Variants in GPHN observed in about 807,000 individuals in gnomAD.
The protein encoded by GPHN is gephyrin.
In GPHN, 17 loss-of-function variants were observed where a neutral mutation model predicts 95.5. The ratio of observed to expected loss-of-function variants is 0.18; its 90% CI spans 0.12 to 0.27. The LOEUF (loss-of-function observed/expected upper bound fraction) is 0.27. GPHN is among the 10% of genes least tolerant of loss of function. The probability of loss-of-function intolerance (pLI) is 1.00; values close to 1 mark genes in which losing one functional copy is unlikely to be tolerated. For synonymous variants in GPHN, 320 were observed against 322.5 expected (o/e 0.99, Z 0.08); for missense variants, 660 against 978.1 (o/e 0.67, Z 4.34).
chr14:67,479,450 G>C, the GPHN span, among the ~76,000 whole-genome samples: 1 of 150,876 alleles, frequency 6.6e-6, no homozygotes, highest in Non-Finnish European at 1.5e-5. Context: ...GGGTGCAGTA[G>C]CTCATGCCTG....
the GPHN span, among the ~76,000 whole-genome samples, chr14:67,536,937 G>T: frequency 1.3e-5 from 2 of 151,624 alleles, no homozygotes; most frequent in African/African-American, 2.4e-5. Flanking sequence ...CTACTCAGGA[G>T]GCTGAGGCAG....
chr14:66,600,714 T>C (rs929428553), intron 1 of GPHN, among the ~76,000 whole-genome samples: 44 of 152,058 alleles, frequency 2.9e-4, no homozygotes, highest in African/African-American at 1.1e-3. Context: ...TTGGGCATTC[T>C]AAATAGCCAA....
the GPHN span, among the ~76,000 whole-genome samples, chr14:67,284,580 A>C: frequency 6.9e-6 from 1 of 144,572 alleles, no homozygotes; most frequent in African/African-American, 2.6e-5. Context: ...AAAAAAAAAA[A>C]AAAAAAAAGG....
At chr14:67,293,950 A>G in the GPHN span, among the ~76,000 whole-genome samples, 1 of 152,192 alleles carries the variant, frequency 6.6e-6, no homozygotes, top group East Asian at 1.9e-4. Context: ...GACACACACA[A>G]TAGAAAGGTG....
the GPHN span, among the ~76,000 whole-genome samples, chr14:67,681,987 G>A: frequency 6.6e-6 from 1 of 152,120 alleles, no homozygotes; most frequent in Non-Finnish European, 1.5e-5. Flanking sequence ...TCATGGGAGT[G>A]GGTTTGTTCT....
intron 1 of GPHN, among the ~76,000 whole-genome samples, chr14:66,595,364 G>A (rs1365444036): frequency 6.6e-6 from 1 of 152,164 alleles, no homozygotes; most frequent in Non-Finnish European, 1.5e-5. Context: ...CGGCATCCTT[G>A]GAGTGTTACT....
At chr14:67,182,655 G>A (rs756878930), downstream of GPHN, among the ~76,000 whole-genome samples, 15 of 151,980 alleles carry the variant, frequency 9.9e-5, no homozygotes, top group African/African-American at 3.4e-4. Context: ...AACATGAATA[G>A]GGCAGAGCAC....
intron 2 of GPHN, among the ~76,000 whole-genome samples, chr14:66,750,009 CTT>C (rs1330718860): frequency 4.0e-5 from 6 of 151,890 alleles, no homozygotes; most frequent in Non-Finnish European, 5.9e-5. Context: ...CATTTATACT[CTT>C]TTAGTTATTT....
intron 2 of GPHN, among the ~76,000 whole-genome samples, chr14:66,723,284 AAC>A (rs1414611582): frequency 7.6e-6 from 1 of 130,720 alleles, no homozygotes; most frequent in African/African-American, 4.0e-5. Context: ...AAAAGTTTAT[AAC>A]TTTATAAATA....
intron 5 of GPHN, among the ~76,000 whole-genome samples, chr14:66,907,913 G>C (rs1352080539): frequency 4.6e-5 from 7 of 151,952 alleles, no homozygotes; most frequent in African/African-American, 1.7e-4. Context: ...GAAGAGGCTA[G>C]AATGATCCAT....
At chr14:67,433,680 C>A in the GPHN span, among the ~76,000 whole-genome samples, 1 of 152,088 alleles carries the variant, frequency 6.6e-6, no homozygotes, top group Non-Finnish European at 1.5e-5. Flanking sequence ...CTTAAAAAAG[C>A]AGTCATCACT....
chr14:67,204,841 G>A, the GPHN span: 1 of 1,613,972 alleles, frequency 6.2e-7, no homozygotes, highest in Non-Finnish European at 8.5e-7. Context: ...CATGTATGCA[G>A]GTACAGGCCC....
intron 10 of GPHN, among the ~76,000 whole-genome samples, chr14:67,035,176 A>T (rs2074361975): frequency 6.6e-6 from 1 of 151,802 alleles, no homozygotes; most frequent in Admixed American, 6.6e-5. Context: ...GGAAAAAAAA[A>T]TGAGAGAAAT....
chr14:66,868,897 A>T (rs1433807597), intron 4 of GPHN, among the ~76,000 whole-genome samples: 2 of 152,204 alleles, frequency 1.3e-5, no homozygotes, highest in African/African-American at 4.8e-5. Flanking sequence ...ATCAAGAAAA[A>T]AAAAGGAAAA....
intron 17 of GPHN, among the ~76,000 whole-genome samples, chr14:67,135,653 T>C (rs930261291): frequency 3.3e-5 from 5 of 152,214 alleles, no homozygotes; most frequent in Non-Finnish European, 5.9e-5. Flanking sequence ...AATTCCAAAA[T>C]TGTACCAGGA....
intron 8 of GPHN, among the ~76,000 whole-genome samples, chr14:66,949,993 G>GAAAAAAAAAA (rs71129809): frequency 3.5e-5 from 2 of 57,814 alleles, no homozygotes; most frequent in Non-Finnish European, 7.9e-5. Flanking sequence ...TTTAGGACAG[G>GAAAAAAAAAA]AAAAAAAAAA....
chr14:66,733,306 CT>C lies in GPHN; in HGVS notation c.144-43145del, dbSNP rs879368479. Among the ~76,000 whole-genome samples, 629 of 142,980 alleles carry C rather than the reference CT, an allele frequency of 4.4e-3. 3 individuals carry two copies. The highest frequency in any genetic ancestry group is 0.012 in the African/African-American group (467 of 39,226). 93.8% of individuals were successfully genotyped at this position (142,980 alleles called of 152,430 possible). ...GCGGAAATGTGAGTTAATTAAACCT[CT>C]TTTTTTTTTTTTGTAAATTACCCTG... On this transcript the variant is annotated intron_variant, in intron 2 of 22. Transcript: ENST00000478722.
intron 11 of GPHN, among the ~76,000 whole-genome samples, chr14:67,059,992 A>C (rs2075759143): frequency 6.6e-6 from 1 of 152,166 alleles, no homozygotes; most frequent in South Asian, 2.1e-4. Context: ...TGAGATATTT[A>C]TTGGTATCAG....
At chr14:67,490,027 C>G in the GPHN span, among the ~76,000 whole-genome samples, 1 of 152,164 alleles carries the variant, frequency 6.6e-6, no homozygotes, top group Non-Finnish European at 1.5e-5. Flanking sequence ...TGTCTGTTTC[C>G]CCCACCACGC....
Sources: gnomAD v4.1 joint callset for allele counts (sites outside exome capture counted in the v4.1 genomes callset) on GRCh38, gnomAD v4.1.1 for gene constraint, MANE v1.5 for transcripts, NCBI Gene and HGNC (gene_info 2026-07-23, HGNC 2026-07-21) for gene names.